PZP: variants seen among roughly 807,000 people sequenced by gnomAD.
PZP encodes pregnancy zone protein.
A neutral mutation model predicts 179.8 loss-of-function variants in PZP; 150 were observed. The ratio of observed to expected loss-of-function variants is 0.83; its 90% CI spans 0.73 to 0.96. The LOEUF (loss-of-function observed/expected upper bound fraction) is 0.96. Ranked by LOEUF, PZP falls within the 40% of genes least tolerant of loss-of-function variation. The pLI is 0.00. For synonymous variants in PZP, 624 were observed against 652.3 expected (o/e 0.96, Z 0.66); for missense variants, 1,689 against 1,764.0 (o/e 0.96, Z 0.76).
At position 9,163,684 on chromosome 12, in the gene PZP, T is replaced by C; in HGVS notation, c.2720A>G (p.Lys907Arg). Reference sequence around the variant, plus strand: ...ATATGTTACCTCCACCAACAGGGTTTTGATGACTGTGTCTTTTCTTTTAAT... The same window carrying C: ...ATATGTTACCTCCACCAACAGGGTTCTGATGACTGTGTCTTTTCTTTTAAT... ...PEIKRKDTVI[K>R]TLLVEAEGIE... Residue 907 changes from lysine to arginine, a missense_variant, in exon 21 of 36, where the codon AAA (lysine) becomes AGA (arginine). Transcript: ENST00000261336. 1 of 1,613,820 alleles carries C rather than the reference T, an allele frequency of 6.2e-7. No individual in the cohort carries two copies.
In PZP at chr12:9,181,072, C is replaced by T. The variant is rs150168839; in HGVS notation, c.1750G>A (p.Ala584Thr). 79 of 1,614,050 alleles carry T rather than the reference C, an allele frequency of 4.9e-5. No individual in the cohort carries two copies. Among genetic ancestry groups the T allele is most frequent in the Non-Finnish European group, 6.2e-5 (73 of 1,180,022 alleles). Residue 584 changes from alanine to threonine, a missense_variant, in exon 15 of 36, where the codon GCA becomes ACA. Transcript: ENST00000261336. ...GCACAGAGGGACTGCGGAGCAGCTG[C>T]TACTTGCAGGTGGGCATGTGAGGCT... is the stretch of plus-strand genomic sequence containing the variant. Reference protein sequence around the residue: ...PPASHAHLQVAAAPQSLCALR... With the variant: ...PPASHAHLQVTAAPQSLCALR...
chr12:9,174,192 C>T lies in PZP; in HGVS notation c.1840-4601G>A, dbSNP rs142160269. ...CTCAACATACACAAATCAATAAGTG[C>T]GATTCATTACATAAACAGAACTAAA... On this transcript the variant is annotated intron_variant, in intron 15 of 35. Coordinates refer to ENST00000261336, the MANE Select transcript of PZP (RefSeq NM_002864.3). Among the ~76,000 whole-genome samples the T allele has an allele frequency of 2.7e-3, 413 of 152,178 alleles. 1 individual carries two copies. Among genetic ancestry groups the T allele is most frequent in the African/African-American group, 9.4e-3 (389 of 41,520 alleles).
At chr12:9,148,356 C>T (rs1428580567), downstream of PZP, among the ~76,000 whole-genome samples, 2 of 152,090 alleles carry the variant, frequency 1.3e-5, no homozygotes, top group African/African-American at 4.8e-5. Flanking sequence ...AAGATTTTAA[C>T]CCTTGAGTCA....
rs574588740 is a variant in PZP, at chr12:9,187,602, T to C, written c.1546+4591A>G. On this transcript the variant is annotated intron_variant, in intron 13 of 35. Coordinates refer to ENST00000261336, the MANE Select transcript of PZP (RefSeq NM_002864.3). ...GACTTTTGGGTAAATAATGAAATTT[T>C]GGCAGAAATCAGGAAGTTCTTTGAA... is the stretch of plus-strand genomic sequence containing the variant. 1.3e-3 allele frequency among the ~76,000 whole-genome samples: 192 copies of C among 152,336 alleles called. No homozygotes were observed. In the Middle Eastern group the frequency reaches 0.014, roughly 11 times the overall value.
rs895320350 is a variant in PZP at position 9,208,311 on chromosome 12, G to A, written c.31C>T (p.Leu11Phe). 9 of 1,613,568 alleles carry A rather than the reference G, an allele frequency of 5.6e-6. 1 individual carries two copies. In the African/African-American group the frequency reaches 1.2e-4, roughly 22 times the overall value. MRKDRLLHLC[L>F]VLLLILLSAS... ...GAAAGCAGGATAAGAAGTAGCACAAGACATAAATGAAGAAGTCTGTCTTTC... is the reference window on the plus strand; with the variant it reads ...GAAAGCAGGATAAGAAGTAGCACAAAACATAAATGAAGAAGTCTGTCTTTC... The change falls in exon 1 of 36, where the codon CTT (leucine) becomes TTT (phenylalanine). Residue 11 changes from leucine (L) to phenylalanine (F), a missense_variant. Physicochemically the swap from Leu to Phe is conservative, Grantham distance 22. Around this residue, in one of 3 missense-constraint regions of PZP, gnomAD observed 742 missense variants for 730.5 expected, o/e 1.02. Coordinates refer to ENST00000261336, the MANE Select transcript of PZP (RefSeq NM_002864.3).
At chr12:9,186,854 G>T (rs1408074187) in intron 13 of PZP, among the ~76,000 whole-genome samples, 1 of 149,262 alleles carries the variant, frequency 6.7e-6, no homozygotes, top group Non-Finnish European at 1.5e-5. Context: ...CCTGTCGGGG[G>T]TGGGGGGCTG....
Position 9,192,270 on chromosome 12 carries a change from A to G in PZP, c.1483-14T>C, listed in dbSNP as rs752410958. ...CTTAGCCATGATCTGAAATGAAAAA[A>G]CAGTGAAGGAAATTTCTTGAGCTGG... On this transcript the variant is annotated splice_polypyrimidine_tract_variant and intron_variant, in intron 12 of 35. Transcript: ENST00000261336. The G allele has an allele frequency of 3.1e-6, 5 of 1,613,118 alleles. No homozygotes were observed. The highest frequency in any genetic ancestry group is 4.2e-6 in the Non-Finnish European group (5 of 1,179,172).
At chr12:9,158,608 CTTT>C in intron 25 of PZP, 32 bp from the exon 26 acceptor site, 1 of 1,608,936 alleles carries the variant, frequency 6.2e-7, no homozygotes, top group South Asian at 1.1e-5. Flanking sequence ...TGCTGAGGCT[CTTT>C]TCATTGAGCA....
At chr12:9,163,565 G>C in intron 21 of PZP, 103 bp downstream of exon 21, 1 of 1,300,436 alleles carries the variant, frequency 7.7e-7, no homozygotes, top group South Asian at 1.5e-5. Context: ...AGTCTTACAG[G>C]ATGTATTGTG....
At position 9,152,274 on chromosome 12, in the gene PZP, A is replaced by C; in HGVS notation, c.4158T>G (p.Ile1386Met). The C allele has an allele frequency of 6.2e-7, 1 of 1,613,414 alleles. No homozygotes were observed. The highest frequency in any genetic ancestry group is 8.5e-7 in the Non-Finnish European group (1 of 1,179,378). Residue 1386 changes from isoleucine to methionine, a missense_variant, in exon 32 of 36, where the codon ATT becomes ATG. Ile to Met is a conservative substitution (Grantham distance 10). This residue lies in a region of PZP where 746 missense variants were observed against 749.2 expected (regional missense o/e 1.00). Transcript: ENST00000261336. Reference sequence around the variant, plus strand: ...AACCAGATACCATCTTTACATCAACAATCACCATATTGGAAGCAGGACGGT... The same window carrying C: ...AACCAGATACCATCTTTACATCAACCATCACCATATTGGAAGCAGGACGGT... ...TGNRPASNMV[I>M]VDVKMVSGFI... is the part of the protein sequence containing the mutation.
At chr12:9,173,593 A>G (rs901182396) in intron 15 of PZP, among the ~76,000 whole-genome samples, 1 of 152,150 alleles carries the variant, frequency 6.6e-6, no homozygotes, top group African/African-American at 2.4e-5. Flanking sequence ...AGACTAATAA[A>G]GAAGAAAAAA....
rs777423120 is a variant in PZP at position 9,180,987 on chromosome 12, G to T, written c.1835C>A (p.Ser612Tyr). ...CCAAGGCCACTGGAAACTCACTGAG[G>T]ACACAGAGAGCTCAGCCTCAGGCTT... ...LMKPEAELSV[S>Y]SVYNLLTVKD... The change falls in exon 15 of 36, where the codon TCC (serine) becomes TAC (tyrosine). Residue 612 changes from serine (S) to tyrosine (Y), a missense_variant. Transcript: ENST00000261336. 1.9e-6 allele frequency: 3 copies of T among 1,613,270 alleles called. No homozygotes were observed. Among genetic ancestry groups the T allele is most frequent in the Non-Finnish European group, 2.5e-6 (3 of 1,179,664 alleles).
At chr12:9,193,607 G>A (rs1409407091) in intron 11 of PZP, among the ~76,000 whole-genome samples, 2 of 152,040 alleles carry the variant, frequency 1.3e-5, no homozygotes, top group South Asian at 2.1e-4. Flanking sequence ...GTTATTTATT[G>A]ACACTGAAAT....
chr12:9,156,190 A>G, intron 28 of PZP: 1 of 207,828 alleles, frequency 4.8e-6, no homozygotes, highest in Non-Finnish European at 1.0e-5. Flanking sequence ...TCTTTTGTGA[A>G]GTCAGTTCCT....
At chr12:9,138,738 G>A in the PZP span, among the ~76,000 whole-genome samples, 1 of 151,828 alleles carries the variant, frequency 6.6e-6, no homozygotes, top group Non-Finnish European at 1.5e-5. Context: ...GTGTATTTGG[G>A]AATTTACACA....
chr12:9,169,529 C>A lies in PZP; in HGVS notation c.1902G>T (p.Glu634Asp), dbSNP rs1413498944. 6.2e-7 allele frequency: 1 copy of A among 1,613,008 alleles called. No individual in the cohort carries two copies. Among genetic ancestry groups the A allele is most frequent in the South Asian group, 1.1e-5 (1 of 90,920 alleles). ...GACGGGGACAGTGTCCTTGTTCTTC[C>A]TCCTGCTGGTCCACATTGTCAGGAA... ...TNFPDNVDQQ[E>D]EEQGHCPRPF... The change falls in exon 16 of 36, where the codon GAG becomes GAT. Residue 634 changes from glutamate (E) to aspartate (D), a missense_variant. By Grantham distance (45) the Glu-to-Asp change is conservative. Around this residue, in one of 3 missense-constraint regions of PZP, gnomAD observed 201 missense variants for 284.2 expected, o/e 0.71. Transcript: ENST00000261336.
At position 9,202,558 on chromosome 12, in the gene PZP, T is replaced by C. The variant is rs1944226291; in HGVS notation, c.394A>G (p.Thr132Ala). ...LNTQSLVFVQ[T>A]DKPMYKPGQT... ...CCTGGTTTATACATGGGTTTGTCTG[T>C]CTGGACAAAGACCAGACTTTGGGTG... The change falls in exon 3 of 36, where the codon ACA (threonine) becomes GCA (alanine). Residue 132 changes from threonine (T) to alanine (A), a missense_variant. Thr to Ala is a moderately conservative substitution (Grantham distance 58, BLOSUM62 0). Transcript: ENST00000261336. 6.2e-7 allele frequency: 1 copy of C among 1,614,042 alleles called. No individual in the cohort carries two copies. Among genetic ancestry groups the C allele is most frequent in the African/African-American group, 1.3e-5 (1 of 74,912 alleles).
intron 1 of PZP, among the ~76,000 whole-genome samples, chr12:9,204,710 C>G (rs1944361843): frequency 6.6e-6 from 1 of 152,108 alleles, no homozygotes; most frequent in Non-Finnish European, 1.5e-5. Context: ...AGGCAATTAA[C>G]ATTAATAATT....
downstream of PZP, among the ~76,000 whole-genome samples, chr12:9,145,014 T>C (rs1162359170): frequency 8.5e-5 from 13 of 152,210 alleles, no homozygotes; most frequent in Admixed American, 8.5e-4. Flanking sequence ...TGATTACCAT[T>C]TGCATGGGAT....
Sources: allele counts gnomAD v4.1 joint callset (sites outside exome capture counted in the v4.1 genomes callset), GRCh38; gene constraint gnomAD v4.1.1; regional missense constraint gnomAD v4.1.1; transcripts MANE v1.5; gene names NCBI Gene and HGNC (gene_info 2026-07-23, HGNC 2026-07-21).